GPC6: variants seen among roughly 807,000 people sequenced by gnomAD.
GPC6 encodes glypican-6.
Under a neutral mutation model 55.2 loss-of-function variants are expected in GPC6, and 14 were observed. The ratio of observed to expected loss-of-function variants is 0.25; its 90% CI spans 0.17 to 0.40. The LOEUF (loss-of-function observed/expected upper bound fraction) is 0.40, where lower values mean the gene tolerates loss of function less well. Ranked by LOEUF, GPC6 falls within the 10% of genes least tolerant of loss-of-function variation. The pLI, the probability that GPC6 is intolerant of heterozygous loss-of-function variation, is 1.00. For missense variants in GPC6, 641 were observed against 708.5 expected (o/e 0.90, Z 1.08); for synonymous variants, 278 against 259.6 (o/e 1.07, Z -0.68).
intron 3 of GPC6, among the ~76,000 whole-genome samples, chr13:93,952,787 A>G (rs1464785775): frequency 1.3e-5 from 2 of 148,926 alleles, no homozygotes; most frequent in South Asian, 2.1e-4. Context: ...GTGTGTATAT[A>G]TGTGTATTGA....
At chr13:94,390,883 G>GA (rs754651508) in intron 7 of GPC6, among the ~76,000 whole-genome samples, 24 of 136,124 alleles carry the variant, frequency 1.8e-4, no homozygotes, top group South Asian at 2.2e-4. Flanking sequence ...TTGCAAATGG[G>GA]AAAAAAAAAA....
intron 7 of GPC6, among the ~76,000 whole-genome samples, chr13:94,394,841 A>G (rs1300998416): frequency 6.6e-6 from 1 of 152,206 alleles, no homozygotes; most frequent in Non-Finnish European, 1.5e-5. Flanking sequence ...CAGTAGGCAC[A>G]GTTAGAGGCT....
chr13:94,370,878 T>G (rs573356222), intron 6 of GPC6, among the ~76,000 whole-genome samples: 1 of 152,232 alleles, frequency 6.6e-6, no homozygotes, highest in African/African-American at 2.4e-5. Flanking sequence ...GAAAAAGATA[T>G]TCTTTTTTAT....
intron 3 of GPC6, among the ~76,000 whole-genome samples, chr13:93,943,714 G>A (rs1878849721): frequency 6.6e-6 from 1 of 151,920 alleles, no homozygotes; most frequent in South Asian, 2.1e-4. Flanking sequence ...GGTCTCTTCA[G>A]TCCTGTTTCT....
chr13:93,398,720 C>T (rs1875955420), intron 1 of GPC6, among the ~76,000 whole-genome samples: 1 of 152,102 alleles, frequency 6.6e-6, no homozygotes, highest in African/African-American at 2.4e-5. Context: ...ATTTAATGTT[C>T]CCATTACCCT....
intron 2 of GPC6, among the ~76,000 whole-genome samples, chr13:93,601,247 G>A (rs766141205): frequency 6.6e-6 from 1 of 151,964 alleles, no homozygotes; most frequent in Non-Finnish European, 1.5e-5. Flanking sequence ...AACCAGGTGT[G>A]ATGGTGTGCA....
intron 3 of GPC6, among the ~76,000 whole-genome samples, chr13:93,952,048 C>G (rs1879276409): frequency 6.6e-6 from 1 of 152,020 alleles, no homozygotes; most frequent in Non-Finnish European, 1.5e-5. Context: ...AGAATATGCA[C>G]TAAATAAAGA....
At chr13:93,646,093 C>T (rs933045359) in intron 2 of GPC6, among the ~76,000 whole-genome samples, 25 of 152,140 alleles carry the variant, frequency 1.6e-4, no homozygotes, top group African/African-American at 5.8e-4. Context: ...GAGGCACCCT[C>T]CTCTATCACT....
At chr13:93,728,109 A>T in intron 2 of GPC6, among the ~76,000 whole-genome samples, 1 of 152,022 alleles carries the variant, frequency 6.6e-6, no homozygotes, top group East Asian at 1.9e-4. Context: ...CCTCTGTAAA[A>T]ATTATTGCAC....
intron 1 of GPC6, among the ~76,000 whole-genome samples, chr13:93,495,646 T>C (rs1880234431): frequency 8.9e-6 from 1 of 112,694 alleles, no homozygotes; most frequent in South Asian, 3.2e-4. Context: ...TTTCCCCATC[T>C]TTGTGGTTTT....
intron 2 of GPC6, among the ~76,000 whole-genome samples, chr13:93,717,781 C>T (rs1478360992): frequency 2.6e-5 from 4 of 151,516 alleles, no homozygotes; most frequent in Non-Finnish European, 4.4e-5. Context: ...CCCTGACAGA[C>T]CTTGGTGTGT....
chr13:93,938,569 TAA>T (rs1219814470), intron 3 of GPC6, among the ~76,000 whole-genome samples: 1 of 151,934 alleles, frequency 6.6e-6, no homozygotes, highest in Non-Finnish European at 1.5e-5. Flanking sequence ...TCGGACACAA[TAA>T]AAAGACACAA....
chr13:93,874,056 A>C (rs1889214645), intron 3 of GPC6, among the ~76,000 whole-genome samples: 1 of 151,892 alleles, frequency 6.6e-6, no homozygotes, highest in South Asian at 2.1e-4. Context: ...CCAGATTTTA[A>C]AAAGCTTTTA....
intron 1 of GPC6, among the ~76,000 whole-genome samples, chr13:93,254,624 C>G (rs1370633300): frequency 6.6e-6 from 1 of 151,982 alleles, no homozygotes; most frequent in Non-Finnish European, 1.5e-5. Context: ...TGTTTTCTAG[C>G]ACATTTGAAA....
chr13:94,379,239 A>C (rs1209396910), intron 6 of GPC6, among the ~76,000 whole-genome samples: 2 of 152,210 alleles, frequency 1.3e-5, no homozygotes, highest in Non-Finnish European at 2.9e-5. Flanking sequence ...AATCAAAGGC[A>C]TGTTCTTTTC....
At chr13:94,376,818 A>G (rs1479654183) in intron 6 of GPC6, among the ~76,000 whole-genome samples, 1 of 151,958 alleles carries the variant, frequency 6.6e-6, no homozygotes, top group Non-Finnish European at 1.5e-5. Context: ...GGCTACAGTA[A>G]CCAAAACAGC....
At chr13:93,849,707 G>T (rs374764286) in intron 3 of GPC6, among the ~76,000 whole-genome samples, 1 of 152,002 alleles carries the variant, frequency 6.6e-6, no homozygotes, top group South Asian at 2.1e-4. Flanking sequence ...CTTTCCAGAG[G>T]CTTGTTGACT....
chr13:93,617,561 A>G (rs1006752435), intron 2 of GPC6, among the ~76,000 whole-genome samples: 5 of 152,092 alleles, frequency 3.3e-5, no homozygotes, highest in Admixed American at 3.3e-4. Context: ...ACACACATAC[A>G]TGAAACTCTG....
intron 5 of GPC6, among the ~76,000 whole-genome samples, chr13:94,289,265 A>T (rs188041608): frequency 2.3e-4 from 35 of 152,216 alleles, no homozygotes; most frequent in Middle Eastern, 3.4e-3. Context: ...GAAAAAAAGA[A>T]ACCACTTCTG....
Sources: gnomAD v4.1 joint callset for allele counts (sites outside exome capture counted in the v4.1 genomes callset) on GRCh38, gnomAD v4.1.1 for gene constraint, MANE v1.5 for transcripts, NCBI Gene and HGNC (gene_info 2026-07-23, HGNC 2026-07-21) for gene names.